The following PHLPP1 variants were observed in gnomAD, a reference collection of about 807,000 sequenced individuals.
The protein encoded by PHLPP1 is PH domain leucine-rich repeat-containing protein phosphatase 1.
PHLPP1 carries 42 observed loss-of-function variants against 117.2 expected under a neutral mutation model. That is an observed-to-expected ratio of 0.36 (90% CI 0.28 to 0.46). The LOEUF (loss-of-function observed/expected upper bound fraction) is 0.46. Ranked by LOEUF, PHLPP1 falls within the 20% of genes least tolerant of loss-of-function variation. The probability of loss-of-function intolerance (pLI) is 1.00; values close to 1 mark genes in which losing one functional copy is unlikely to be tolerated. For missense variants in PHLPP1, 2,084 were observed against 2,241.9 expected, an observed-to-expected ratio of 0.93 and a Z score of 1.42; for synonymous variants, 1,042 against 970.7, an observed-to-expected ratio of 1.07 and a Z score of -1.37.
At chr18:62,739,623 G>A (rs1911465361) in intron 1 of PHLPP1, among the ~76,000 whole-genome samples, 1 of 152,072 alleles carries the variant, frequency 6.6e-6, no homozygotes, top group Admixed American at 6.6e-5. Flanking sequence ...AAGAGGCTAA[G>A]GATGATGGAT....
At chr18:62,822,263 G>GTGTTTTTTTTTGTTT (rs1914480531) in intron 1 of PHLPP1, among the ~76,000 whole-genome samples, 1 of 143,692 alleles carries the variant, frequency 7.0e-6, no homozygotes. Context: ...GTAGAAAATA[G>GTGTTTTTTTTTGTTT]TGTTTTTTTT....
At chr18:62,762,474 C>T (rs1179270407) in intron 1 of PHLPP1, among the ~76,000 whole-genome samples, 4 of 142,116 alleles carry the variant, frequency 2.8e-5, no homozygotes, top group Non-Finnish European at 4.5e-5. Context: ...AGTGCAGTGG[C>T]GCAATCTCGG....
At chr18:62,822,417 G>T (rs973620747) in intron 1 of PHLPP1, among the ~76,000 whole-genome samples, 2 of 151,652 alleles carry the variant, frequency 1.3e-5, no homozygotes, top group Admixed American at 6.6e-5. Flanking sequence ...GAGTAGCTGG[G>T]ACTGCAGACA....
chr18:62,900,884 A>G (rs1394582288), intron 6 of PHLPP1, among the ~76,000 whole-genome samples: 1 of 152,220 alleles, frequency 6.6e-6, no homozygotes, highest in East Asian at 1.9e-4. Flanking sequence ...CAGTTTACGT[A>G]TATTTCAAAA....
In PHLPP1 at chr18:62,920,014, A is replaced by G; in HGVS notation, c.2860A>G (p.Arg954Gly). The part of the protein sequence containing the change: ...KLLAGHNQLA[R>G]LPERLERTSV... ...ACTGGCAGGACACAACCAGTTGGCA[A>G]GGCTGCCTGAAAGGCTAGAAAGAAC... Residue 954 changes from arginine (R) to glycine (G), a missense_variant, in exon 10 of 17, where the codon AGG becomes GGG. Arg to Gly is a moderately radical substitution (Grantham distance 125). Transcript: ENST00000262719. 1 of 1,611,008 alleles carries G rather than the reference A, an allele frequency of 6.2e-7. No individual in the cohort carries two copies. Among genetic ancestry groups the G allele is most frequent in the Non-Finnish European group, 8.5e-7 (1 of 1,178,380 alleles).
chr18:62,800,012 A>G (rs893463065), intron 1 of PHLPP1, among the ~76,000 whole-genome samples: 1 of 152,174 alleles, frequency 6.6e-6, no homozygotes, highest in Non-Finnish European at 1.5e-5. Context: ...CCCACACCCC[A>G]AAGGGATGAG....
chr18:62,954,202 T>C (rs1356387132), intron 12 of PHLPP1, among the ~76,000 whole-genome samples: 2 of 152,218 alleles, frequency 1.3e-5, no homozygotes, highest in Non-Finnish European at 2.9e-5. Context: ...GAGGGTTGCA[T>C]AATTTTTTGG....
chr18:62,825,316 T>C (rs546641096), intron 1 of PHLPP1: 1 of 151,050 alleles, frequency 6.6e-6, no homozygotes, highest in East Asian at 1.9e-4. Context: ...AGTTTTGGCT[T>C]TCTGATGTAA....
chr18:62,870,255 A>C (rs565015492), intron 4 of PHLPP1, among the ~76,000 whole-genome samples: 32 of 152,294 alleles, frequency 2.1e-4, no homozygotes, highest in African/African-American at 7.7e-4. Flanking sequence ...TCCATTGTCC[A>C]AGAAAAATTT....
At chr18:62,800,822 T>C (rs1174764964) in intron 1 of PHLPP1, among the ~76,000 whole-genome samples, 1 of 152,134 alleles carries the variant, frequency 6.6e-6, no homozygotes, top group Non-Finnish European at 1.5e-5. Context: ...CATGACTTAA[T>C]AGTGAGCTTT....
At position 62,915,156 on chromosome 18, in the gene PHLPP1, A is replaced by G. The variant is rs556849758; in HGVS notation, c.2804+148A>G. 6.5e-4 allele frequency: 392 copies of G among 602,578 alleles called. 7 individuals carry two copies. The South Asian group carries it at 7.0e-3, about 11-fold the overall frequency. 37.3% of individuals were successfully genotyped at this position (602,578 alleles called of 1,614,324 possible). A position where few individuals can be genotyped will look rare whatever the true frequency, so the allele number is the denominator to read the frequency against. On this transcript the variant is annotated intron_variant, in intron 9 of 16. Transcript: ENST00000262719. Reference sequence around the variant, plus strand: ...TCTTTTACCCCATGTGGTGTCTTCAAGTTACACACTTGCTTCATGCAGTGC... The same window carrying G: ...TCTTTTACCCCATGTGGTGTCTTCAGGTTACACACTTGCTTCATGCAGTGC...
intron 10 of PHLPP1, among the ~76,000 whole-genome samples, chr18:62,928,183 T>TA (rs1027164464): frequency 6.6e-5 from 10 of 151,974 alleles, no homozygotes; most frequent in African/African-American, 2.4e-4. Context: ...AAGCAACAAC[T>TA]AAAAAAATAG....
intron 1 of PHLPP1, among the ~76,000 whole-genome samples, chr18:62,786,691 C>T (rs1316154441): frequency 6.6e-6 from 1 of 152,144 alleles, no homozygotes; most frequent in East Asian, 1.9e-4. Flanking sequence ...CACTTAAAGG[C>T]TGTCCTAAGC....
At chr18:62,918,447 T>TATATATATA (rs10530316) in intron 9 of PHLPP1, among the ~76,000 whole-genome samples, 11 of 149,684 alleles carry the variant, frequency 7.3e-5, no homozygotes, top group East Asian at 3.9e-4. Context: ...TATATATATA[T>TATATATATA]GATGAACCAC....
At chr18:62,923,484 C>T (rs866800889) in intron 10 of PHLPP1, among the ~76,000 whole-genome samples, 2 of 152,090 alleles carry the variant, frequency 1.3e-5, no homozygotes, top group Non-Finnish European at 2.9e-5. Context: ...TGTTAATTAT[C>T]TTGGGCAGAC....
intron 10 of PHLPP1, among the ~76,000 whole-genome samples, chr18:62,938,994 C>CTTTCTTTTTTTTTTTTTTTTTTTTT (rs368316862): frequency 7.8e-6 from 1 of 128,680 alleles, no homozygotes; most frequent in African/African-American, 2.9e-5. Context: ...TTCTTTCTTT[C>CTTTCTTTTTTTTTTTTTTTTTTTTT]TTTTTTTTTT....
At chr18:62,958,961 G>A (rs893335248) in intron 13 of PHLPP1, among the ~76,000 whole-genome samples, 2 of 152,256 alleles carry the variant, frequency 1.3e-5, no homozygotes, top group Admixed American at 6.5e-5. Context: ...TAACGTGGTT[G>A]TGACAGTTAA....
At chr18:62,730,690 G>A (rs1450795844) in intron 1 of PHLPP1, among the ~76,000 whole-genome samples, 2 of 151,812 alleles carry the variant, frequency 1.3e-5, no homozygotes, top group Non-Finnish European at 2.9e-5. Context: ...TACTCGGGAG[G>A]CTGAGGCAGG....
intron 1 of PHLPP1, among the ~76,000 whole-genome samples, chr18:62,801,385 G>A (rs982745365): frequency 1.3e-5 from 2 of 151,630 alleles, no homozygotes; most frequent in African/African-American, 2.4e-5. Context: ...ATTTTTAATT[G>A]TGAATTTGCT....
Sources: allele counts gnomAD v4.1 joint callset (sites outside exome capture counted in the v4.1 genomes callset), GRCh38; gene constraint gnomAD v4.1.1; transcripts MANE v1.5; gene names NCBI Gene and HGNC (gene_info 2026-07-23, HGNC 2026-07-21).